Variants in CADPS observed in about 807,000 individuals in gnomAD.
The protein encoded by CADPS is calcium-dependent secretion activator 1.
A neutral mutation model predicts 167.3 loss-of-function variants in CADPS; 57 were observed. The ratio of observed to expected loss-of-function variants is 0.34; its 90% CI spans 0.28 to 0.42. The LOEUF is 0.42. CADPS is among the 20% of genes least tolerant of loss of function. The pLI is 1.00. For synonymous variants in CADPS, 676 were observed against 635.3 expected (o/e 1.06, Z -0.96); for missense variants, 1,414 against 1,738.1 (o/e 0.81, Z 3.32).
At chr3:62,428,930 A>G (rs2053357594) in intron 28 of CADPS, among the ~76,000 whole-genome samples, 5 of 152,326 alleles carry the variant, frequency 3.3e-5, no homozygotes, top group Admixed American at 6.5e-5. Context: ...CTCTACAACA[A>G]AGAATTATCT....
chr3:62,402,940 C>T, intron 29 of CADPS, 141 bp downstream of exon 29: 1 of 508,960 alleles, frequency 2.0e-6, no homozygotes. Flanking sequence ...CATCACAAAA[C>T]AATTGCATAG....
intron 1 of CADPS, among the ~76,000 whole-genome samples, chr3:62,831,861 G>A (rs971940826): frequency 2.0e-5 from 3 of 152,090 alleles, no homozygotes; most frequent in Admixed American, 6.6e-5. Context: ...ACCACACCAC[G>A]CAATGTATTT....
chr3:62,715,210 G>C (rs1006772815), intron 3 of CADPS, among the ~76,000 whole-genome samples: 1 of 152,104 alleles, frequency 6.6e-6, no homozygotes, highest in Non-Finnish European at 1.5e-5. Flanking sequence ...ATAAAAGCTG[G>C]ATGATACCTA....
At chr3:62,406,822 G>A (rs1347861659) in intron 28 of CADPS, among the ~76,000 whole-genome samples, 1 of 152,214 alleles carries the variant, frequency 6.6e-6, no homozygotes, top group African/African-American at 2.4e-5. Context: ...TTCTTCAGCA[G>A]CTGAACTGGA....
chr3:62,859,225 G>A (rs2080292629), intron 1 of CADPS, among the ~76,000 whole-genome samples: 2 of 152,020 alleles, frequency 1.3e-5, no homozygotes, highest in Non-Finnish European at 2.9e-5. Flanking sequence ...TTTATTTATT[G>A]CCAGGTCATA....
intron 1 of CADPS, among the ~76,000 whole-genome samples, chr3:62,859,659 C>G (rs2080396494): frequency 6.8e-6 from 1 of 146,274 alleles, no homozygotes; most frequent in South Asian, 2.1e-4. Flanking sequence ...GAAAGAAATC[C>G]TTTTCTTTTC....
intron 9 of CADPS, among the ~76,000 whole-genome samples, chr3:62,563,231 T>C (rs998904738): frequency 6.6e-6 from 1 of 152,238 alleles, no homozygotes; most frequent in African/African-American, 2.4e-5. Flanking sequence ...AAATGTCTTA[T>C]AGAGCAATTG....
chr3:62,678,420 T>C (rs2076644543), intron 3 of CADPS, among the ~76,000 whole-genome samples: 1 of 152,160 alleles, frequency 6.6e-6, no homozygotes, highest in African/African-American at 2.4e-5. Context: ...GTTAAGTTTT[T>C]AGGTTTGCTA....
chr3:62,766,414 T>C (rs768182585), intron 1 of CADPS, among the ~76,000 whole-genome samples: 1 of 152,106 alleles, frequency 6.6e-6, no homozygotes, highest in East Asian at 1.9e-4. Flanking sequence ...ATTTAGACCA[T>C]GGAAATTGGC....
chr3:62,729,929 G>T (rs767706438), intron 3 of CADPS, among the ~76,000 whole-genome samples: 2 of 151,416 alleles, frequency 1.3e-5, no homozygotes, highest in African/African-American at 4.9e-5. Context: ...GTTCTGGCCA[G>T]TGGGTTGTGA....
intron 28 of CADPS, among the ~76,000 whole-genome samples, chr3:62,423,948 G>A (rs921912137): frequency 6.6e-6 from 1 of 152,196 alleles, no homozygotes; most frequent in African/African-American, 2.4e-5. Flanking sequence ...TTATTAAACA[G>A]CCATTTATTA....
chr3:62,616,101 T>A (rs574340886), intron 6 of CADPS, among the ~76,000 whole-genome samples: 1 of 152,324 alleles, frequency 6.6e-6, no homozygotes, highest in African/African-American at 2.4e-5. Context: ...ATGAGCACAA[T>A]AAAATCCAGT....
At chr3:62,790,942 T>C (rs1464267297) in intron 1 of CADPS, among the ~76,000 whole-genome samples, 2 of 152,074 alleles carry the variant, frequency 1.3e-5, no homozygotes, top group African/African-American at 2.4e-5. Flanking sequence ...AATTCTGTGT[T>C]ATTTTAAAAA....
chr3:62,445,467 A>G (rs2057052608), intron 27 of CADPS, among the ~76,000 whole-genome samples: 1 of 152,156 alleles, frequency 6.6e-6, no homozygotes, highest in Non-Finnish European at 1.5e-5. Flanking sequence ...GAACATGATG[A>G]AAACAGAATG....
At chr3:62,751,486 G>T in intron 3 of CADPS, among the ~76,000 whole-genome samples, 1 of 151,776 alleles carries the variant, frequency 6.6e-6, no homozygotes. Context: ...TCGTTCTGTT[G>T]CCCAGGGTGG....
intron 8 of CADPS, among the ~76,000 whole-genome samples, chr3:62,571,296 C>T (rs1487727882): frequency 6.6e-6 from 1 of 152,152 alleles, no homozygotes; most frequent in Non-Finnish European, 1.5e-5. Flanking sequence ...TCTCACAACT[C>T]TTTTGCATCT....
Position 62,474,155 on chromosome 3 carries a change from T to C in CADPS, c.3477+18A>G. On this transcript the variant is annotated intron_variant, in intron 24 of 29. Transcript: ENST00000383710. ...TGAAGAGGGAAAAAAAAATCTGTAT[T>C]TTTTTTTTTTTTTTTACCTCTTGGC... The C allele has an allele frequency of 1.1e-6, 1 of 894,662 alleles. No homozygotes were observed. The highest frequency in any genetic ancestry group is 3.4e-5 in the South Asian group (1 of 29,804). 55.4% of individuals were successfully genotyped at this position (894,662 alleles called of 1,614,324 possible).
intron 5 of CADPS, 36 bp downstream of exon 5, chr3:62,650,811 G>A (rs781318690): frequency 1.0e-5 from 16 of 1,534,082 alleles, no homozygotes; most frequent in African/African-American, 2.7e-5. Context: ...CCTACTTGCT[G>A]TGCCAAGAAA....
intron 1 of CADPS, among the ~76,000 whole-genome samples, chr3:62,813,181 A>G (rs544957479): frequency 1.6e-4 from 25 of 152,288 alleles, no homozygotes; most frequent in African/African-American, 5.5e-4. Flanking sequence ...AAAAGAGTAA[A>G]TTTGGATGAA....
Sources: allele counts gnomAD v4.1 joint callset (sites outside exome capture counted in the v4.1 genomes callset), GRCh38; gene constraint gnomAD v4.1.1; transcripts MANE v1.5; gene names NCBI Gene and HGNC (gene_info 2026-07-23, HGNC 2026-07-21).